MBD5: variants seen among roughly 807,000 people sequenced by gnomAD.
MBD5 encodes methyl-CpG binding domain protein 5, also known as methyl-CpG-binding domain protein 5.
MBD5 carries 13 observed loss-of-function variants against 117.3 expected under a neutral mutation model. The ratio of observed to expected loss-of-function variants is 0.11; its 90% CI spans 0.07 to 0.18. The LOEUF (loss-of-function observed/expected upper bound fraction) is 0.18. MBD5 is among the 10% of genes least tolerant of loss of function. The pLI, the probability that MBD5 is intolerant of heterozygous loss-of-function variation, is 1.00. For missense variants in MBD5, 1,879 were observed against 2,093.8 expected, an observed-to-expected ratio of 0.90 and a Z score of 2.00; for synonymous variants, 727 against 766.4, an observed-to-expected ratio of 0.95 and a Z score of 0.85.
intron 4 of MBD5, among the ~76,000 whole-genome samples, chr2:148,354,216 A>T (rs1375945744): frequency 6.6e-6 from 1 of 152,084 alleles, no homozygotes; most frequent in Admixed American, 6.6e-5. Flanking sequence ...TCTAGGTTTT[A>T]AGCCCTGCAT....
At chr2:148,132,335 T>TATATATATATACACATATATATATATAC (rs1553475573) in intron 1 of MBD5, among the ~76,000 whole-genome samples, 977 of 5,552 alleles carry the variant, frequency 0.18, 8 homozygotes, top group Middle Eastern at 0.33. Flanking sequence ...TATATACATA[T>TATATATATATACACATATATATATATAC]ATATATATAT....
chr2:148,306,182 T>A (rs1410134302), intron 3 of MBD5, among the ~76,000 whole-genome samples: 1 of 152,208 alleles, frequency 6.6e-6, no homozygotes, highest in Non-Finnish European at 1.5e-5. Context: ...TCCTCTCTTC[T>A]CTAAGTCACC....
chr2:148,365,989 A>T (rs1348167831), intron 4 of MBD5, among the ~76,000 whole-genome samples: 2 of 152,240 alleles, frequency 1.3e-5, no homozygotes, highest in Non-Finnish European at 2.9e-5. Flanking sequence ...GGCCAGCATC[A>T]TCCTGATACC....
intron 4 of MBD5, among the ~76,000 whole-genome samples, chr2:148,382,128 T>C (rs1704166305): frequency 6.6e-6 from 1 of 151,328 alleles, no homozygotes; most frequent in South Asian, 2.1e-4. Context: ...CAAATGTAAA[T>C]GGGCTAAATG....
At chr2:148,143,664 CATT>C (rs1697371687) in intron 1 of MBD5, among the ~76,000 whole-genome samples, 1 of 152,158 alleles carries the variant, frequency 6.6e-6, no homozygotes, top group Non-Finnish European at 1.5e-5. Context: ...CAAGTGTTCT[CATT>C]GTTCAATTCC....
intron 1 of MBD5, among the ~76,000 whole-genome samples, chr2:148,122,990 A>G (rs1246985696): frequency 6.6e-6 from 1 of 152,208 alleles, no homozygotes; most frequent in East Asian, 1.9e-4. Context: ...AAGGATAGAC[A>G]GGCTGGGGTG....
intron 1 of MBD5, chr2:148,071,949 C>T (rs1417541273): frequency 6.6e-6 from 1 of 152,090 alleles, no homozygotes; most frequent in Non-Finnish European, 1.5e-5. Context: ...TTTGAAAGAT[C>T]ATGTGAAGAA....
At chr2:148,126,179 T>C (rs1226542676) in intron 1 of MBD5, among the ~76,000 whole-genome samples, 1 of 151,862 alleles carries the variant, frequency 6.6e-6, no homozygotes, top group South Asian at 2.1e-4. Flanking sequence ...GCGGATCACC[T>C]GAGGTCAAGA....
intron 4 of MBD5, chr2:148,393,160 T>C (rs1350488548): frequency 1.3e-5 from 2 of 152,284 alleles, no homozygotes; most frequent in East Asian, 3.9e-4. Flanking sequence ...TATTCAGTTC[T>C]CACTCCTGTG....
At chr2:148,509,943 C>T (rs1682166560) in intron 12 of MBD5, 117 bp from the exon 13 acceptor site, 3 of 752,056 alleles carry the variant, frequency 4.0e-6, no homozygotes, top group Non-Finnish European at 7.1e-6. Context: ...TTTCCAAACG[C>T]GAGTATAAAT....
chr2:148,313,697 TCTC>T (rs1161862629), intron 3 of MBD5, among the ~76,000 whole-genome samples: 1 of 152,054 alleles, frequency 6.6e-6, no homozygotes, highest in Non-Finnish European at 1.5e-5. Context: ...ATGAACAAAA[TCTC>T]CTGCAGCTAG....
At chr2:148,432,843 T>G (rs1053293764) in intron 4 of MBD5, among the ~76,000 whole-genome samples, 3 of 152,184 alleles carry the variant, frequency 2.0e-5, no homozygotes, top group Non-Finnish European at 4.4e-5. Flanking sequence ...GTGCTTTGGC[T>G]ATTTGGGTGC....
At chr2:148,091,964 CAAGA>C in intron 1 of MBD5, among the ~76,000 whole-genome samples, 1 of 152,144 alleles carries the variant, frequency 6.6e-6, no homozygotes, top group African/African-American at 2.4e-5. Flanking sequence ...AACAAATCAT[CAAGA>C]AAGAAACAGT....
At chr2:148,421,206 C>T (rs1705594368) in intron 4 of MBD5, among the ~76,000 whole-genome samples, 1 of 152,174 alleles carries the variant, frequency 6.6e-6, no homozygotes, top group Admixed American at 6.5e-5. Flanking sequence ...GTGATTTCTG[C>T]ATTTCCAACT....
chr2:148,166,887 T>G (rs1698136848), intron 1 of MBD5, among the ~76,000 whole-genome samples: 1 of 152,304 alleles, frequency 6.6e-6, no homozygotes, highest in East Asian at 1.9e-4. Context: ...GCATTTTTTT[T>G]TGTCAATTAT....
intron 4 of MBD5, among the ~76,000 whole-genome samples, chr2:148,380,823 G>A (rs1413012525): frequency 1.3e-5 from 2 of 152,148 alleles, no homozygotes; most frequent in Admixed American, 1.3e-4. Context: ...AATATCCACT[G>A]TTCTGCAGCC....
At chr2:148,289,819 AAGC>A (rs1345049218) in intron 3 of MBD5, among the ~76,000 whole-genome samples, 1 of 149,636 alleles carries the variant, frequency 6.7e-6, no homozygotes, top group East Asian at 2.0e-4. Context: ...CAAAAAATGA[AAGC>A]AGAAAAAAAG....
At chr2:148,021,075 ACC>A (rs1019754623), upstream of MBD5, 1 of 143,178 alleles carries the variant, frequency 7.0e-6, no homozygotes, top group African/African-American at 2.6e-5. Context: ...TTCTACCCGA[ACC>A]CCCCCTCCCC....
intron 7 of MBD5, among the ~76,000 whole-genome samples, chr2:148,464,718 G>A (rs1707202575): frequency 6.6e-6 from 1 of 151,436 alleles, no homozygotes; most frequent in Non-Finnish European, 1.5e-5. Context: ...CAGCACTTTG[G>A]GAGGCTGAAG....
Sources: allele counts gnomAD v4.1 joint callset (sites outside exome capture counted in the v4.1 genomes callset), GRCh38; gene constraint gnomAD v4.1.1; transcripts MANE v1.5; gene names NCBI Gene and HGNC (gene_info 2026-07-23, HGNC 2026-07-21).